The following MINDY4 variants were observed in gnomAD, a reference collection of about 807,000 sequenced individuals.
The protein encoded by MINDY4 is probable ubiquitin carboxyl-terminal hydrolase MINDY-4.
MINDY4 carries 68 observed loss-of-function variants against 87.0 expected under a neutral mutation model. That is an observed-to-expected ratio of 0.78 (90% CI 0.64 to 0.96). The LOEUF (loss-of-function observed/expected upper bound fraction) is 0.96, where lower values mean the gene tolerates loss of function less well. Ranked by LOEUF, MINDY4 falls within the 40% of genes least tolerant of loss-of-function variation. The probability of loss-of-function intolerance (pLI) is 0.00; values close to 1 mark genes in which losing one functional copy is unlikely to be tolerated. For missense variants in MINDY4, 919 were observed against 928.2 expected (o/e 0.99, Z 0.13); for synonymous variants, 379 against 363.2 (o/e 1.04, Z -0.50).
intron 5 of MINDY4, among the ~76,000 whole-genome samples, chr7:30,809,087 T>C (rs185683979): frequency 1.3e-5 from 2 of 152,210 alleles, no homozygotes; most frequent in Admixed American, 6.5e-5. Context: ...CCTATTCCTT[T>C]AAAAGCCAAG....
chr7:30,832,852 C>T (rs1788746008), intron 6 of MINDY4, among the ~76,000 whole-genome samples: 1 of 152,128 alleles, frequency 6.6e-6, no homozygotes, highest in Non-Finnish European at 1.5e-5. Context: ...CCCTTTCTCC[C>T]TCTTAACTTT....
At chr7:30,791,653 C>A in intron 5 of MINDY4, 79 bp downstream of exon 5, 1 of 1,411,440 alleles carries the variant, frequency 7.1e-7, no homozygotes, top group East Asian at 2.4e-5. Flanking sequence ...CTAATGGCTC[C>A]GAAGGGAACT....
intron 15 of MINDY4, among the ~76,000 whole-genome samples, chr7:30,881,245 CA>C (rs1193274629): frequency 2.0e-5 from 3 of 152,192 alleles, no homozygotes; most frequent in African/African-American, 7.2e-5. Context: ...AGGGGCTTCA[CA>C]GGGGGCCCTT....
At chr7:30,772,558 A>G (rs536630473) in intron 1 of MINDY4, among the ~76,000 whole-genome samples, 2 of 152,278 alleles carry the variant, frequency 1.3e-5, no homozygotes, top group South Asian at 4.1e-4. Context: ...TATAGATACA[A>G]TGTGCACGTA....
At chr7:30,775,591 A>G (rs577505638) in intron 1 of MINDY4, among the ~76,000 whole-genome samples, 1 of 152,308 alleles carries the variant, frequency 6.6e-6, no homozygotes, top group South Asian at 2.1e-4. Flanking sequence ...CTCAATCTAT[A>G]GCTTCTCTTC....
At chr7:30,776,675 T>C (rs570974685) in intron 1 of MINDY4, among the ~76,000 whole-genome samples, 9 of 152,376 alleles carry the variant, frequency 5.9e-5, no homozygotes, top group Admixed American at 6.5e-5. Context: ...ATGTGGATGA[T>C]GCTGAACAAA....
chr7:30,875,388 T>G, intron 14 of MINDY4, 107 bp from the exon 15 acceptor site: 1 of 1,269,268 alleles, frequency 7.9e-7, no homozygotes, highest in Non-Finnish European at 1.1e-6. Flanking sequence ...CTCTCCCTCC[T>G]TGCTTTCCTT....
At position 30,807,135 on chromosome 7, in the gene MINDY4, G is replaced by C. The variant is rs573290362; in HGVS notation, c.1073+15561G>C. Among the ~76,000 whole-genome samples the C allele has an allele frequency of 2.5e-3, 380 of 152,310 alleles. 2 individuals are homozygous for C. The highest frequency in any genetic ancestry group is 8.7e-3 in the African/African-American group (362 of 41,562). The stretch of plus-strand genomic sequence containing the variant: ...GATGGAAACCGAGACCAAGTATTTT[G>C]CCACCATCTGAGGATTAGAGGCTGT... On this transcript the variant is annotated intron_variant, in intron 5 of 17. Coordinates refer to ENST00000265299, the MANE Select transcript of MINDY4 (RefSeq NM_032222.3).
chr7:30,830,349 C>G (rs1167138397), intron 6 of MINDY4, among the ~76,000 whole-genome samples: 1 of 152,172 alleles, frequency 6.6e-6, no homozygotes, highest in Non-Finnish European at 1.5e-5. Flanking sequence ...TGCTTAAGTG[C>G]TTTAATAAGC....
chr7:30,848,927 C>T (rs1789312123), intron 9 of MINDY4, among the ~76,000 whole-genome samples: 1 of 152,190 alleles, frequency 6.6e-6, no homozygotes. Context: ...TCATACGCGC[C>T]ATTGATTGAA....
At chr7:30,853,487 A>T (rs1347699455) in intron 12 of MINDY4, 28 bp downstream of exon 12, 4 of 1,569,612 alleles carry the variant, frequency 2.5e-6, no homozygotes, top group Admixed American at 3.4e-5. Context: ...CTCCTGTGGG[A>T]TGTGCGTCAC....
intron 13 of MINDY4, among the ~76,000 whole-genome samples, chr7:30,871,286 G>A (rs1406708443): frequency 6.6e-6 from 1 of 152,214 alleles, no homozygotes; most frequent in Non-Finnish European, 1.5e-5. Context: ...GGGTCTGGGG[G>A]TTGCAATTGC....
intron 12 of MINDY4, chr7:30,858,964 T>C (rs992148262): frequency 6.1e-6 from 4 of 655,676 alleles, no homozygotes; most frequent in African/African-American, 5.4e-5. Flanking sequence ...TGCACCATAA[T>C]GGAGCTGGCC....
chr7:30,811,483 C>G (rs979153495), intron 5 of MINDY4, among the ~76,000 whole-genome samples: 1 of 152,232 alleles, frequency 6.6e-6, no homozygotes. Context: ...AAAGTGAGAA[C>G]TCCCACTATT....
At chr7:30,853,961 G>T (rs993860254) in intron 12 of MINDY4, among the ~76,000 whole-genome samples, 23 of 150,924 alleles carry the variant, frequency 1.5e-4, no homozygotes, top group African/African-American at 4.9e-4. Flanking sequence ...GGCTGCTCTG[G>T]GTGGGGGCTC....
intron 6 of MINDY4, among the ~76,000 whole-genome samples, chr7:30,833,082 C>G (rs1450897684): frequency 6.6e-6 from 1 of 152,080 alleles, no homozygotes; most frequent in Non-Finnish European, 1.5e-5. Flanking sequence ...GTTTTTAAGT[C>G]CCATTCTTGT....
At chr7:30,829,916 G>T (rs746487318) in intron 6 of MINDY4, among the ~76,000 whole-genome samples, 2 of 150,890 alleles carry the variant, frequency 1.3e-5, no homozygotes, top group Non-Finnish European at 1.5e-5. Flanking sequence ...GCTGTTTGAA[G>T]TGTGTGTGTG....
intron 13 of MINDY4, among the ~76,000 whole-genome samples, chr7:30,863,032 C>T (rs1162253831): frequency 6.6e-6 from 1 of 152,142 alleles, no homozygotes; most frequent in African/African-American, 2.4e-5. Flanking sequence ...CCAACCCCTG[C>T]TCTCCAGCCA....
At chr7:30,837,724 C>T (rs1247626329) in intron 7 of MINDY4, among the ~76,000 whole-genome samples, 3 of 152,160 alleles carry the variant, frequency 2.0e-5, no homozygotes, top group Admixed American at 6.5e-5. Context: ...GCAGCAGTAG[C>T]GTCTCCAAAA....
Sources: allele counts gnomAD v4.1 joint callset (sites outside exome capture counted in the v4.1 genomes callset), GRCh38; gene constraint gnomAD v4.1.1; transcripts MANE v1.5; gene names NCBI Gene and HGNC (gene_info 2026-07-23, HGNC 2026-07-21).